CIROZ: variants seen among roughly 807,000 people sequenced by gnomAD.
The protein encoded by CIROZ is ciliated left-right organizer protein containing ZP-N domains.
the CIROZ span, among the ~76,000 whole-genome samples, chr1:10,981,115 C>T: frequency 6.6e-6 from 1 of 152,192 alleles, no homozygotes; most frequent in African/African-American, 2.4e-5. Context: ...AAAAATGCAT[C>T]TCAGATGGGG....
At chr1:10,948,381 C>A in the CIROZ span, 2 of 1,613,280 alleles carry the variant, frequency 1.2e-6, no homozygotes, top group Non-Finnish European at 1.7e-6. Context: ...GAACTCCTCA[C>A]TGGCTTGGCC....
the CIROZ span, among the ~76,000 whole-genome samples, chr1:10,960,020 T>C: frequency 6.6e-6 from 1 of 152,154 alleles, no homozygotes; most frequent in Non-Finnish European, 1.5e-5. This position sits in a 1 kb window ranked among gnomAD's most constrained non-coding sequence, Gnocchi z 4.6. Context: ...CCATCTCCCC[T>C]GCTGAACCAG....
the CIROZ span, among the ~76,000 whole-genome samples, chr1:10,954,423 C>T: frequency 2.0e-5 from 3 of 149,716 alleles, no homozygotes; most frequent in South Asian, 4.2e-4. Flanking sequence ...CACTGCACTC[C>T]AGCCTGGGCA....
chr1:10,953,380 G>A, the CIROZ span, among the ~76,000 whole-genome samples: 1 of 152,238 alleles, frequency 6.6e-6, no homozygotes, highest in Non-Finnish European at 1.5e-5. Context: ...GGTTTTGCAT[G>A]TGTGAATACC....
the CIROZ span, among the ~76,000 whole-genome samples, chr1:10,967,033 G>A: frequency 8.6e-5 from 13 of 151,608 alleles, no homozygotes; most frequent in East Asian, 2.5e-3. Flanking sequence ...CCTGTAATTC[G>A]AGCTACTTGG....
At chr1:10,973,399 T>A in the CIROZ span, among the ~76,000 whole-genome samples, 1 of 151,874 alleles carries the variant, frequency 6.6e-6, no homozygotes, top group African/African-American at 2.4e-5. Context: ...AATAAAAATT[T>A]TAAAAAGACT....
chr1:10,948,923 AC>A, the CIROZ span: 1 of 1,351,144 alleles, frequency 7.4e-7, no homozygotes, highest in Non-Finnish European at 9.8e-7. Context: ...GAGAATCTCA[AC>A]CCAAAGATGG....
the CIROZ span, chr1:10,947,637 A>G: frequency 2.1e-6 from 3 of 1,441,484 alleles, no homozygotes; most frequent in Non-Finnish European, 9.2e-7. Flanking sequence ...TGCACCCAGG[A>G]CTCACCCTGG....
chr1:10,960,679 C>T, the CIROZ span, among the ~76,000 whole-genome samples: 1 of 152,252 alleles, frequency 6.6e-6, no homozygotes, highest in South Asian at 2.1e-4. This position sits in a 1 kb window ranked among gnomAD's most constrained non-coding sequence, Gnocchi z 4.6. Context: ...TCGCTGCGAG[C>T]AGGGCACGGC....
chr1:10,949,930 G>C, the CIROZ span: 1 of 953,780 alleles, frequency 1.0e-6, no homozygotes, highest in South Asian at 1.8e-5. Context: ...GGAAGCTTGG[G>C]GAGGTCAGAT....
At chr1:10,967,056 C>T in the CIROZ span, among the ~76,000 whole-genome samples, 12 of 150,552 alleles carry the variant, frequency 8.0e-5, no homozygotes, top group South Asian at 4.2e-4. Context: ...GGTTGAGGCA[C>T]GAGAATCACT....
chr1:10,957,036 A>G, the CIROZ span: 1 of 1,551,294 alleles, frequency 6.4e-7, no homozygotes, highest in South Asian at 1.2e-5. Context: ...GTGGGCAAGC[A>G]GCTTCTAAAG....
chr1:10,954,767 T>A, the CIROZ span, among the ~76,000 whole-genome samples: 1 of 152,150 alleles, frequency 6.6e-6, no homozygotes, highest in Admixed American at 6.6e-5. Flanking sequence ...CATTTTGTAA[T>A]TTTTTTGTAG....
the CIROZ span, among the ~76,000 whole-genome samples, chr1:10,974,290 C>A: frequency 1.3e-5 from 2 of 151,866 alleles, no homozygotes; most frequent in Admixed American, 1.3e-4. This position sits in a 1 kb window ranked among gnomAD's most constrained non-coding sequence, Gnocchi z 4.4. Flanking sequence ...GCCCAGGGCA[C>A]AGCCAAAGTC....
chr1:10,964,546 G>C, the CIROZ span, among the ~76,000 whole-genome samples: 1 of 152,202 alleles, frequency 6.6e-6, no homozygotes, highest in East Asian at 1.9e-4. Flanking sequence ...CAGAATAAGA[G>C]CTTGCGTCCT....
At chr1:10,964,978 G>T in the CIROZ span, among the ~76,000 whole-genome samples, 1 of 152,168 alleles carries the variant, frequency 6.6e-6, no homozygotes, top group Non-Finnish European at 1.5e-5. Context: ...AGATGAGGCA[G>T]TTGAGGCTTA....
At chr1:10,957,039 T>C in the CIROZ span, 6 of 1,551,210 alleles carry the variant, frequency 3.9e-6, no homozygotes, top group South Asian at 7.1e-5. Context: ...GGCAAGCAGC[T>C]TCTAAAGAAT....
At chr1:10,956,600 T>A in the CIROZ span, among the ~76,000 whole-genome samples, 8 of 151,814 alleles carry the variant, frequency 5.3e-5, no homozygotes, top group Admixed American at 5.3e-4. Flanking sequence ...CTCAGCCTCC[T>A]GAGTAGCTAG....
the CIROZ span, among the ~76,000 whole-genome samples, chr1:10,954,804 G>A: frequency 1.3e-5 from 2 of 152,056 alleles, no homozygotes; most frequent in Admixed American, 6.6e-5. Context: ...TGTTTCCCAG[G>A]CTGGTCTTGA....
Sources: gnomAD v4.1 joint callset for allele counts (sites outside exome capture counted in the v4.1 genomes callset) on GRCh38, gnomAD v4.1.1 for gene constraint, Gnocchi (gnomAD v3.1) non-coding constraint, MANE v1.5 for transcripts, NCBI Gene and HGNC (gene_info 2026-07-23, HGNC 2026-07-21) for gene names.